TEK: variants seen among roughly 807,000 people sequenced by gnomAD.
TEK encodes TEK receptor tyrosine kinase, also known as angiopoietin-1 receptor.
A neutral mutation model predicts 131.8 loss-of-function variants in TEK; 43 were observed. That is an observed-to-expected ratio of 0.33 (90% confidence interval 0.26 to 0.42). The LOEUF is 0.42. Among genes scored for constraint, TEK ranks in the 10% least tolerant of loss-of-function variants. The pLI is 1.00. For missense variants in TEK, 1,162 were observed against 1,384.4 expected, an observed-to-expected ratio of 0.84 and a Z score of 2.55; for synonymous variants, 580 against 491.6, an observed-to-expected ratio of 1.18 and a Z score of -2.38.
chr9:27,218,921 G>T (rs770442941), intron 20 of TEK, 104 bp downstream of exon 20: 278 of 1,150,416 alleles, frequency 2.4e-4, no homozygotes, highest in Non-Finnish European at 3.5e-4. Context: ...TTTGTATGTG[G>T]TTCTACCAGA....
intron 1 of TEK, among the ~76,000 whole-genome samples, chr9:27,153,245 A>G (rs512904): frequency 0.27 from 41,040 of 151,926 alleles, 5,891 homozygotes; most frequent in South Asian, 0.52. Context: ...TCAGGAGTTC[A>G]AGACCAGCCT....
chr9:27,227,505 G>C (rs1019105579), intron 21 of TEK, among the ~76,000 whole-genome samples: 1 of 152,146 alleles, frequency 6.6e-6, no homozygotes, highest in South Asian at 2.1e-4. Context: ...TCACAGTTCT[G>C]AAGGCTGGGA....
intron 2 of TEK, among the ~76,000 whole-genome samples, chr9:27,167,834 C>T (rs1428058141): frequency 6.6e-6 from 1 of 150,808 alleles, no homozygotes; most frequent in Non-Finnish European, 1.5e-5. Context: ...TTCTCTTTCA[C>T]TTTGGGGAAA....
At chr9:27,118,775 A>G (rs1159177848) in intron 1 of TEK, among the ~76,000 whole-genome samples, 1 of 152,168 alleles carries the variant, frequency 6.6e-6, no homozygotes, top group Non-Finnish European at 1.5e-5. Context: ...CCAGCCAACT[A>G]ACAACAGCAG....
rs746136651 is a variant in TEK at position 27,203,097 on chromosome 9, G to A, written c.2187G>A (p.Leu729=). The part of the protein sequence containing the change: ...GSSNPAFSHE[L]VTLPESQAPA... The stretch of plus-strand genomic sequence containing the variant: ...GCAACCCAGCCTTTTCTCATGAACT[G>A]GTGACCCTCCCAGAATCTCAAGGTT... Residue 729 remains leucine, a synonymous_variant, in exon 13 of 23, where the codon CTG becomes CTA. Coordinates refer to ENST00000380036, the MANE Select transcript of TEK (RefSeq NM_000459.5). The A allele has an allele frequency of 8.7e-6, 14 of 1,613,936 alleles. No individual in the cohort carries two copies. Among genetic ancestry groups the A allele is most frequent in the East Asian group, 2.2e-5 (1 of 44,884 alleles).
In TEK at chr9:27,218,909, C is replaced by T. The variant is rs188145072; in HGVS notation, c.3103+92C>T. On this transcript the variant is annotated intron_variant, in intron 20 of 22. Transcript: ENST00000380036. ...CTTGCTGCATAATTCCACAGGATGC[C>T]GTTTGTATGTGGTTCTACCAGATGT... is the stretch of plus-strand genomic sequence containing the variant. 1.6e-4 allele frequency: 195 copies of T among 1,219,390 alleles called. 1 individual carries two copies. The highest frequency in any genetic ancestry group is 2.2e-4 in the South Asian group (18 of 82,524). The allele number at this position is 1,219,390 out of a possible 1,614,324, so 75.5% of individuals were successfully genotyped here.
Position 27,172,406 on chromosome 9 carries a change from A to G in TEK, c.629-210A>G, listed in dbSNP as rs1247690306. Among the ~76,000 whole-genome samples the G allele has an allele frequency of 3.3e-5, 5 of 152,110 alleles. No homozygotes were observed. In the East Asian group the frequency reaches 9.6e-4, roughly 29 times the overall value. ...ATGCCCTCTTCTATCCACCAGACAG[A>G]GTTAGGTACTCCTTGTCTTTGTTTC... On this transcript the variant is annotated intron_variant, in intron 4 of 22. Transcript: ENST00000380036.
chr9:27,123,052 C>CAAAAAAAAAAA (rs10700803), intron 1 of TEK, among the ~76,000 whole-genome samples: 778 of 34,706 alleles, frequency 0.022, 164 homozygotes, highest in East Asian at 0.049. Flanking sequence ...GACTCTGTCT[C>CAAAAAAAAAAA]AAAAAAAAAA....
intron 1 of TEK, among the ~76,000 whole-genome samples, chr9:27,117,631 G>C (rs1425104689): frequency 1.3e-5 from 2 of 152,202 alleles, no homozygotes; most frequent in Non-Finnish European, 2.9e-5. Context: ...ATTAGAGGAA[G>C]TACATACCCA....
At chr9:27,198,396 G>A (rs553393754) in intron 12 of TEK, 1 of 152,374 alleles carries the variant, frequency 6.6e-6, no homozygotes, top group East Asian at 1.9e-4. Context: ...CCCAGAGTCT[G>A]AGGCTGTCTT....
chr9:27,225,578 A>C (rs1459073851), intron 21 of TEK, among the ~76,000 whole-genome samples: 2 of 152,128 alleles, frequency 1.3e-5, no homozygotes, highest in East Asian at 3.9e-4. Flanking sequence ...ACACCTTATA[A>C]AAAATTAACT....
chr9:27,179,465 T>TA (rs1463576555), intron 6 of TEK, among the ~76,000 whole-genome samples: 2 of 152,208 alleles, frequency 1.3e-5, no homozygotes, highest in Non-Finnish European at 2.9e-5. Context: ...TCTTTTCCTT[T>TA]AAAAAACGGG....
At chr9:27,150,221 A>G (rs1823073366) in intron 1 of TEK, among the ~76,000 whole-genome samples, 1 of 152,162 alleles carries the variant, frequency 6.6e-6, no homozygotes, top group Non-Finnish European at 1.5e-5. Flanking sequence ...GGCCCTGGAG[A>G]GAAATCAGCA....
intron 1 of TEK, among the ~76,000 whole-genome samples, chr9:27,143,070 T>C (rs889037851): frequency 6.6e-6 from 1 of 152,046 alleles, no homozygotes; most frequent in South Asian, 2.1e-4. Flanking sequence ...CCAAAGGGAG[T>C]GCTTCAAGAT....
At position 27,190,633 on chromosome 9, in the gene TEK, T is replaced by A. The variant is rs761850097; in HGVS notation, c.1432T>A (p.Ser478Thr). 1.9e-6 allele frequency: 3 copies of A among 1,613,878 alleles called. No homozygotes were observed. In the African/African-American group the frequency reaches 4.0e-5, roughly 22 times the overall value. ...TTACTTTGGGGATGGACCAATCAAA[T>A]CCAAGAAGCTTCTATACAAACCCGT... ...EPYFGDGPIK[S>T]KKLLYKPVNH... Residue 478 changes from serine (S) to threonine (T), a missense_variant, in exon 10 of 23, where the codon TCC becomes ACC. Around this residue, in one of 6 missense-constraint regions of TEK, gnomAD observed 477 missense variants for 471.0 expected, o/e 1.01. Coordinates refer to ENST00000380036, the MANE Select transcript of TEK (RefSeq NM_000459.5).
At chr9:27,130,877 A>AAAAAC (rs747493904) in intron 1 of TEK, among the ~76,000 whole-genome samples, 24 of 152,116 alleles carry the variant, frequency 1.6e-4, no homozygotes, top group Non-Finnish European at 2.9e-4. Context: ...AAGTACTTTA[A>AAAAAC]AAAACAAAAC....
At position 27,140,418 on chromosome 9, in the gene TEK, A is replaced by G. The variant is rs1822682757; in HGVS notation, c.53-17413A>G. 2.6e-5 allele frequency among the ~76,000 whole-genome samples: 4 copies of G among 151,256 alleles called. No homozygotes were observed. In the South Asian group the frequency reaches 6.2e-4, roughly 24 times the overall value. On this transcript the variant is annotated intron_variant, in intron 1 of 22. Coordinates refer to ENST00000380036, the MANE Select transcript of TEK (RefSeq NM_000459.5). ...AAAGAAAAAAAAAAAAAAAAAAGAA[A>G]CATTAATCTCTTCCAATGCTGGAGG...
intron 4 of TEK, among the ~76,000 whole-genome samples, chr9:27,170,988 C>T (rs1823934283): frequency 6.6e-6 from 1 of 152,124 alleles, no homozygotes. Flanking sequence ...TGAGTTGGAC[C>T]TCTTGGGTTA....
At chr9:27,193,057 T>G (rs1019102369) in intron 11 of TEK, among the ~76,000 whole-genome samples, 4 of 152,238 alleles carry the variant, frequency 2.6e-5, no homozygotes, top group African/African-American at 9.6e-5. Context: ...TTATTTATTT[T>G]CAAAAATAAT....
Sources: allele counts gnomAD v4.1 joint callset (sites outside exome capture counted in the v4.1 genomes callset), GRCh38; gene constraint gnomAD v4.1.1; regional missense constraint gnomAD v4.1.1; transcripts MANE v1.5; gene names NCBI Gene and HGNC (gene_info 2026-07-23, HGNC 2026-07-21).